The following MAG variants were observed in gnomAD, a reference collection of about 807,000 sequenced individuals.
MAG encodes myelin associated glycoprotein.
A neutral mutation model predicts 60.7 loss-of-function variants in MAG; 30 were observed. The ratio of observed to expected loss-of-function variants is 0.49; its 90% confidence interval spans 0.37 to 0.67. The LOEUF (loss-of-function observed/expected upper bound fraction) is 0.67, where lower values mean the gene tolerates loss of function less well. MAG is among the 30% of genes least tolerant of loss of function. MAG has a pLI of 0.00. For missense variants in MAG, 795 were observed against 851.7 expected, an observed-to-expected ratio of 0.93 and a Z score of 0.83; for synonymous variants, 384 against 376.8, an observed-to-expected ratio of 1.02 and a Z score of -0.22.
chr19:35,293,041 C>A lies in MAG; in HGVS notation c.-80+837C>A, dbSNP rs906842294. Among the ~76,000 whole-genome samples, 6 of 152,178 alleles carry A rather than the reference C, an allele frequency of 3.9e-5. No individual in the cohort carries two copies. The highest frequency in any genetic ancestry group is 1.4e-4 in the African/African-American group (6 of 41,446). ...GCTGAGGTTGATTTGGCCCCCATCC[C>A]GAGAACTTGTTTTCCCCGCTGTTAA... On this transcript the variant is annotated intron_variant, in intron 1 of 10. Coordinates refer to ENST00000392213, the MANE Select transcript of MAG (RefSeq NM_002361.4). The surrounding 1 kb of genome is among the most constrained non-coding windows in gnomAD (Gnocchi z 4.0).
In MAG at chr19:35,295,913, A is replaced by G. The variant is rs768936140; in HGVS notation, c.347A>G (p.Tyr116Cys). The stretch of plus-strand genomic sequence containing the variant: ...AGCCCCGAGCTGGGCGGGAAGTACT[A>G]CTTCCGTGGGGACCTGGGCGGCTAC... ...NVSPELGGKY[Y>C]FRGDLGGYNQ... Residue 116 changes from tyrosine to cysteine, a missense_variant, in exon 4 of 11, where the codon TAC (tyrosine) becomes TGC (cysteine). Physicochemically the swap from Tyr to Cys is radical, Grantham distance 194. Transcript: ENST00000392213. This position sits in a 1 kb window ranked among gnomAD's most constrained non-coding sequence, Gnocchi z 5.8. 1.9e-5 allele frequency: 30 copies of G among 1,613,744 alleles called. No homozygotes were observed. The highest frequency in any genetic ancestry group is 2.4e-5 in the Non-Finnish European group (28 of 1,179,906).
chr19:35,311,725 C>T (rs1174175877), intron 9 of MAG, among the ~76,000 whole-genome samples, 193 bp from the exon 10 acceptor site: 1 of 152,200 alleles, frequency 6.6e-6, no homozygotes, highest in Non-Finnish European at 1.5e-5. Flanking sequence ...GGCTCGTCCC[C>T]AGCCGGGCAG....
chr19:35,296,577 T>G (rs2066399625), intron 4 of MAG, among the ~76,000 whole-genome samples: 1 of 152,100 alleles, frequency 6.6e-6, no homozygotes, highest in African/African-American at 2.4e-5. Flanking sequence ...TTAAGCCAAA[T>G]AGAATACAGC....
rs2066374560 is a variant in MAG at position 35,293,701 on chromosome 19, G to T, written c.-79-534G>T. ...CCCTGCTCAAAGGCCAGCCAGGAGTGCCTGACCCCTTTCTTACTCCCCACT... is the reference window on the plus strand; with the variant it reads ...CCCTGCTCAAAGGCCAGCCAGGAGTTCCTGACCCCTTTCTTACTCCCCACT... On this transcript the variant is annotated intron_variant, in intron 1 of 10. Transcript: ENST00000392213. This position sits in a 1 kb window ranked among gnomAD's most constrained non-coding sequence, Gnocchi z 4.0. 6.6e-6 allele frequency among the ~76,000 whole-genome samples: 1 copy of T among 152,018 alleles called. No individual in the cohort carries two copies. The highest frequency in any genetic ancestry group is 6.5e-5 in the Admixed American group (1 of 15,268).
rs1257462415 is a variant in MAG, at chr19:35,293,538, ATG to A, written c.-79-693_-79-692del. ...TCCCCGCGATTGGATGTGTCTGTGCATGTGTCTCTGTCCGTGGGAAGAGGGCG... is the reference window on the plus strand; with the variant it reads ...TCCCCGCGATTGGATGTGTCTGTGCATGTCTCTGTCCGTGGGAAGAGGGCG... On this transcript the variant is annotated intron_variant, in intron 1 of 10. Transcript: ENST00000392213. The surrounding 1 kb of genome is among the most constrained non-coding windows in gnomAD (Gnocchi z 4.0). Among the ~76,000 whole-genome samples the A allele has an allele frequency of 6.6e-6, 1 of 151,978 alleles. No individual in the cohort carries two copies. Among genetic ancestry groups the A allele is most frequent in the African/African-American group, 2.4e-5 (1 of 41,334 alleles).
intron 8 of MAG, 61 bp from the exon 9 acceptor site, chr19:35,310,486 T>G: frequency 7.1e-7 from 1 of 1,415,200 alleles, no homozygotes. Context: ...TCTCCAAAGT[T>G]CTCAGGTGTC....
intron 4 of MAG, among the ~76,000 whole-genome samples, chr19:35,298,835 C>T (rs1160606069): frequency 4.6e-5 from 7 of 150,986 alleles, no homozygotes; most frequent in African/African-American, 1.7e-4. Flanking sequence ...ACTACCCACA[C>T]ATCACACACA....
At chr19:35,313,207 C>G in intron 10 of MAG, 83 bp from the exon 11 acceptor site, 1 of 1,436,634 alleles carries the variant, frequency 7.0e-7, no homozygotes, top group Non-Finnish European at 9.3e-7. Flanking sequence ...AACTCAGGAG[C>G]TCTGAGGGTG....
chr19:35,308,136 A>G (rs916095673), intron 7 of MAG, among the ~76,000 whole-genome samples: 1 of 151,966 alleles, frequency 6.6e-6, no homozygotes, highest in Non-Finnish European at 1.5e-5. Context: ...AGTGCTGGGG[A>G]GGAGAACTGA....
At chr19:35,310,700 G>A (rs1056383879) in intron 9 of MAG, 57 bp downstream of exon 9, 3 of 1,491,276 alleles carry the variant, frequency 2.0e-6, no homozygotes, top group Admixed American at 1.7e-5. Context: ...GGGACCTGGT[G>A]GGAGATGGAG....
At chr19:35,305,412 C>A (rs191057067) in intron 7 of MAG, among the ~76,000 whole-genome samples, 59 of 152,302 alleles carry the variant, frequency 3.9e-4, no homozygotes, top group Non-Finnish European at 7.5e-4. Flanking sequence ...AGCTTGAGTA[C>A]GTTGTACGCA....
chr19:35,312,169 G>A, intron 10 of MAG, 152 bp downstream of exon 10: 5 of 1,278,552 alleles, frequency 3.9e-6, no homozygotes, highest in Non-Finnish European at 5.7e-6. Context: ...GGACCTGGAG[G>A]CTGGGGAGGA....
chr19:35,312,378 G>C, intron 10 of MAG: 3 of 1,504,234 alleles, frequency 2.0e-6, no homozygotes, highest in South Asian at 2.2e-5. Flanking sequence ...TTGGGCCCTG[G>C]GGTTGGCGTG....
In MAG at chr19:35,311,906, C is replaced by A; in HGVS notation, c.1617-12C>A. ...GAGGGCAGAGAGAGGTCTGACGAGT[C>A]CTGCCCTGCAGAAAGAACGTGACAG... is the stretch of plus-strand genomic sequence containing the variant. On this transcript the variant is annotated splice_polypyrimidine_tract_variant and intron_variant, in intron 9 of 10. Transcript: ENST00000392213. 4 of 1,599,800 alleles carry A rather than the reference C, an allele frequency of 2.5e-6. No individual in the cohort carries two copies. The highest frequency in any genetic ancestry group is 1.1e-5 in the South Asian group (1 of 90,178).
chr19:35,312,020 A>G lies in MAG; in HGVS notation c.1716+3A>G. ...CTGGGGCACCAGAGAAGTACGAGGT[A>G]AGGACCAGGCTCCAGGCTGGCCTGG... On this transcript the variant is annotated splice_donor_region_variant and intron_variant, in intron 10 of 10. Transcript: ENST00000392213. The G allele has an allele frequency of 6.2e-7, 1 of 1,611,394 alleles. No individual in the cohort carries two copies. Among genetic ancestry groups the G allele is most frequent in the Non-Finnish European group, 8.5e-7 (1 of 1,178,662 alleles).
At position 35,310,647 on chromosome 19, in the gene MAG, A is replaced by C. The variant is rs763492004; in HGVS notation, c.1616+4A>C. On this transcript the variant is annotated splice_donor_region_variant and intron_variant, in intron 9 of 10. Coordinates refer to ENST00000392213, the MANE Select transcript of MAG (RefSeq NM_002361.4). ...ACATTACCCAGACACGCAGGAAGTG[A>C]GTGCCAGCTGGGGCTGATCTGGGGA... 6.2e-7 allele frequency: 1 copy of C among 1,613,828 alleles called. No individual in the cohort carries two copies. The highest frequency in any genetic ancestry group is 1.7e-5 in the Admixed American group (1 of 60,028).
chr19:35,311,891 A>T, intron 9 of MAG, 27 bp from the exon 10 acceptor site: 1 of 1,528,582 alleles, frequency 6.5e-7, no homozygotes, highest in Non-Finnish European at 9.0e-7. Context: ...GAGGGCAGAG[A>T]GAGGTCTGAC....
chr19:35,313,415 G>A lies in MAG; in HGVS notation c.1842G>A (p.Thr614=), dbSNP rs768107293. ...CCACCAAGGACAGCTACACGCTGAC[G>A]GAGGAGCTAGCTGAGTATGCTGAAA... ...KRPTKDSYTL[T]EELAEYAEIR... The change falls in exon 11 of 11, where the codon ACG becomes ACA. Residue 614 remains threonine (T), a synonymous_variant. Coordinates refer to ENST00000392213, the MANE Select transcript of MAG (RefSeq NM_002361.4). 26 of 1,613,788 alleles carry A rather than the reference G, an allele frequency of 1.6e-5. No homozygotes were observed. Among genetic ancestry groups the A allele is most frequent in the South Asian group, 1.4e-4 (13 of 91,056 alleles).
At chr19:35,301,433 T>C (rs1161551995) in intron 6 of MAG, among the ~76,000 whole-genome samples, 1 of 147,970 alleles carries the variant, frequency 6.8e-6, no homozygotes, top group African/African-American at 2.5e-5. Context: ...TGAGTGCTTT[T>C]TTTTTTTTTT....
Sources: gnomAD v4.1 joint callset for allele counts (sites outside exome capture counted in the v4.1 genomes callset) on GRCh38, gnomAD v4.1.1 for gene constraint, Gnocchi (gnomAD v3.1) non-coding constraint, MANE v1.5 for transcripts, NCBI Gene and HGNC (gene_info 2026-07-23, HGNC 2026-07-21) for gene names.